CSRP3: variants seen among roughly 807,000 people sequenced by gnomAD.
CSRP3 encodes the protein cysteine and glycine-rich protein 3.
In CSRP3, 24 loss-of-function variants were observed where a neutral mutation model predicts 24.3. The ratio of observed to expected loss-of-function variants is 0.99; its 90% CI spans 0.71 to 1.39. CSRP3 has a LOEUF of 1.39. Among genes scored for constraint, CSRP3 ranks in the 40% most tolerant of loss-of-function variants. The pLI, the probability that CSRP3 is intolerant of heterozygous loss-of-function variation, is 0.00. For missense variants in CSRP3, 240 were observed against 249.0 expected (o/e 0.96, Z 0.24); for synonymous variants, 105 against 94.0 (o/e 1.12, Z -0.68).
intron 5 of CSRP3, 34 bp from the exon 6 acceptor site, chr11:19,182,780 T>C: frequency 6.7e-7 from 1 of 1,498,216 alleles, no homozygotes. Flanking sequence ...GGAGAGACAA[T>C]GCATTGGTTA....
At chr11:19,201,062 TCAG>T (rs1369843106) in intron 1 of CSRP3, among the ~76,000 whole-genome samples, 1 of 152,194 alleles carries the variant, frequency 6.6e-6, no homozygotes, top group East Asian at 1.9e-4. Flanking sequence ...CTTGGATCTT[TCAG>T]CAGCATTTCC....
Position 19,201,743 on chromosome 11 carries a change from C to A in CSRP3, c.-29+211G>T, listed in dbSNP as rs1850847611. ...TCTGCCTATGAGGTCCCTTAAGCCCCCTAAATATTAACCATCCTTGCAGGA... is the reference window on the plus strand; with the variant it reads ...TCTGCCTATGAGGTCCCTTAAGCCCACTAAATATTAACCATCCTTGCAGGA... On this transcript the variant is annotated intron_variant, in intron 1 of 5. Coordinates refer to ENST00000265968, the MANE Select transcript of CSRP3 (RefSeq NM_003476.5). 2.0e-5 allele frequency among the ~76,000 whole-genome samples: 3 copies of A among 152,162 alleles called. No individual in the cohort carries two copies. In the South Asian group the frequency reaches 6.2e-4, roughly 32 times the overall value.
At chr11:19,184,809 C>T in intron 5 of CSRP3, 143 bp downstream of exon 5, 2 of 724,314 alleles carry the variant, frequency 2.8e-6, no homozygotes, top group East Asian at 2.7e-5. Context: ...GGTGGTTTTG[C>T]TCCTGAGAAC....
intron 3 of CSRP3, 71 bp downstream of exon 3, chr11:19,188,065 A>G (rs1185538513): frequency 1.9e-6 from 3 of 1,583,516 alleles, no homozygotes; most frequent in Non-Finnish European, 2.6e-6. Flanking sequence ...AAACGTTGCT[A>G]TGGGAACGAA....
chr11:19,184,069 T>A (rs538672930), intron 5 of CSRP3, among the ~76,000 whole-genome samples: 105 of 152,304 alleles, frequency 6.9e-4, no homozygotes, highest in African/African-American at 2.5e-3. Flanking sequence ...TTTTTCTTTA[T>A]AAATTACCCA....
At chr11:19,185,078 A>G (rs758706681) in intron 4 of CSRP3, 33 bp from the exon 5 acceptor site, 3 of 1,488,550 alleles carry the variant, frequency 2.0e-6, no homozygotes, top group Non-Finnish European at 1.9e-6. Context: ...ATATTTAATG[A>G]GGTAGGCAAC....
intron 2 of CSRP3, among the ~76,000 whole-genome samples, chr11:19,191,970 C>A (rs1850622957): frequency 6.6e-6 from 1 of 152,210 alleles, no homozygotes; most frequent in Non-Finnish European, 1.5e-5. Flanking sequence ...ACAGCCAAAT[C>A]CATCCTGGCT....
chr11:19,192,544 C>A (rs1263716620), intron 1 of CSRP3, 68 bp from the exon 2 acceptor site: 2 of 981,084 alleles, frequency 2.0e-6, no homozygotes, highest in Non-Finnish European at 3.2e-6. Context: ...TCTAAGAGTG[C>A]AGTGGTCTGA....
intron 1 of CSRP3, among the ~76,000 whole-genome samples, chr11:19,199,503 G>GTTCTATT (rs1217027342): frequency 6.6e-6 from 1 of 152,116 alleles, no homozygotes. Context: ...CTCACTCTTT[G>GTTCTATT]TTCTATTTTG....
intron 3 of CSRP3, among the ~76,000 whole-genome samples, chr11:19,187,539 T>G (rs553560807): frequency 6.6e-6 from 1 of 152,352 alleles, no homozygotes; most frequent in Non-Finnish European, 1.5e-5. Flanking sequence ...GGGACCAGAC[T>G]GGTGGATGGA....
In CSRP3 at chr11:19,192,414, G is replaced by C. The variant is rs1188954940; in HGVS notation, c.35C>G (p.Ala12Gly). ...TGCATGGTAGACGGTCTTTTCACAG[G>C]CTCCACATTTTGCGCCTCCGCCCCA... Reference protein sequence around the residue: ...PNWGGGAKCGACEKTVYHAEE... With the variant: ...PNWGGGAKCGGCEKTVYHAEE... Residue 12 changes from alanine (A) to glycine (G), a missense_variant, in exon 2 of 6, where the codon GCC becomes GGC. By Grantham distance (60) the Ala-to-Gly change is moderately conservative (BLOSUM62 0). Coordinates refer to ENST00000265968, the MANE Select transcript of CSRP3 (RefSeq NM_003476.5). 1 of 1,614,152 alleles carries C rather than the reference G, an allele frequency of 6.2e-7. No homozygotes were observed. Among genetic ancestry groups the C allele is most frequent in the African/African-American group, 1.3e-5 (1 of 75,028 alleles).
chr11:19,188,184 C>A lies in CSRP3; in HGVS notation c.233G>T (p.Gly78Val), dbSNP rs963128995. ...CTCGCCCGTGTCTGTGCTGAGACAG[C>A]CAGCGCCTTGTCCATACCCGATCCC... The part of the protein sequence containing the change: ...PKGIGYGQGA[G>V]CLSTDTGEHL... Residue 78 changes from glycine to valine, a missense_variant, in exon 3 of 6, where the codon GGC (glycine) becomes GTC (valine). Transcript: ENST00000265968. The A allele has an allele frequency of 6.2e-7, 1 of 1,614,060 alleles. No individual in the cohort carries two copies.
chr11:19,192,949 A>G (rs1445640578), intron 1 of CSRP3, among the ~76,000 whole-genome samples: 1 of 152,160 alleles, frequency 6.6e-6, no homozygotes, highest in Non-Finnish European at 1.5e-5. Flanking sequence ...AGATCTGGGG[A>G]GAGGCAGGAA....
At chr11:19,197,507 C>CTTTCTTTA (rs1850750581) in intron 1 of CSRP3, among the ~76,000 whole-genome samples, 1 of 82,888 alleles carries the variant, frequency 1.2e-5, no homozygotes, top group East Asian at 4.0e-4. Flanking sequence ...TTTCCTCTTT[C>CTTTCTTTA]TTTCTTTCTT....
intron 5 of CSRP3, among the ~76,000 whole-genome samples, chr11:19,183,139 C>T (rs1850465044): frequency 6.9e-6 from 1 of 144,974 alleles, no homozygotes; most frequent in Non-Finnish European, 1.5e-5. Flanking sequence ...GCTTGGATGA[C>T]AGAGCAAGAC....
At chr11:19,194,474 G>A (rs1241051774) in intron 1 of CSRP3, among the ~76,000 whole-genome samples, 1 of 152,100 alleles carries the variant, frequency 6.6e-6, no homozygotes, top group Non-Finnish European at 1.5e-5. Flanking sequence ...CCAGGAGTTT[G>A]AGACCAGCCT....
Position 19,192,334 on chromosome 11 carries a change from C to T in CSRP3, c.112+3G>A. ...GGGCCCCCAGGGTGTCCACCCAACT[C>T]ACTGCAGTGGAAACACGTCTTGTGG... On this transcript the variant is annotated splice_donor_region_variant and intron_variant, in intron 2 of 5. Transcript: ENST00000265968. 2 of 1,610,310 alleles carry T rather than the reference C, an allele frequency of 1.2e-6. No individual in the cohort carries two copies. Among genetic ancestry groups the T allele is most frequent in the Non-Finnish European group, 8.5e-7 (1 of 1,176,472 alleles).
At chr11:19,182,840 T>C in intron 5 of CSRP3, 94 bp from the exon 6 acceptor site, 2 of 896,978 alleles carry the variant, frequency 2.2e-6, no homozygotes, top group South Asian at 2.6e-5. Flanking sequence ...TTTTAATTAT[T>C]AGAGACATCC....
At chr11:19,185,074 A>C (rs765674683) in intron 4 of CSRP3, 29 bp from the exon 5 acceptor site, 1 of 1,517,608 alleles carries the variant, frequency 6.6e-7, no homozygotes, top group Non-Finnish European at 9.2e-7. Flanking sequence ...TTGCATATTT[A>C]ATGAGGTAGG....
Sources: gnomAD v4.1 joint callset for allele counts (sites outside exome capture counted in the v4.1 genomes callset) on GRCh38, gnomAD v4.1.1 for gene constraint, MANE v1.5 for transcripts, NCBI Gene and HGNC (gene_info 2026-07-23, HGNC 2026-07-21) for gene names.